The following PHTF2 variants were observed in gnomAD, a reference collection of about 807,000 sequenced individuals.
PHTF2 encodes protein PHTF2.
In PHTF2, 60 loss-of-function variants were observed where a neutral mutation model predicts 101.2. That is an observed-to-expected ratio of 0.59 (90% CI 0.48 to 0.73). PHTF2 has a LOEUF of 0.73. PHTF2 is among the 30% of genes least tolerant of loss of function. The pLI is 0.00. For missense variants in PHTF2, 747 were observed against 908.7 expected (o/e 0.82, Z 2.29); for synonymous variants, 311 against 307.3 (o/e 1.01, Z -0.13).
intron 12 of PHTF2, among the ~76,000 whole-genome samples, chr7:77,936,365 A>C (rs1342539296): frequency 6.6e-6 from 1 of 152,182 alleles, no homozygotes; most frequent in East Asian, 1.9e-4. Context: ...ACGAATGCCA[A>C]AACTATTGTT....
chr7:77,887,694 G>A (rs1799991345), intron 3 of PHTF2, among the ~76,000 whole-genome samples: 1 of 152,184 alleles, frequency 6.6e-6, no homozygotes, highest in Non-Finnish European at 1.5e-5. Context: ...TGCCAGACAT[G>A]TTACCAAAGA....
intron 16 of PHTF2, among the ~76,000 whole-genome samples, chr7:77,948,084 C>A (rs973184710): frequency 1.3e-5 from 2 of 152,028 alleles, no homozygotes; most frequent in African/African-American, 2.4e-5. Flanking sequence ...AGGTAGTGCA[C>A]CTGCCTTGGC....
At chr7:77,802,895 C>T (rs1792669348) in intron 1 of PHTF2, among the ~76,000 whole-genome samples, 1 of 152,306 alleles carries the variant, frequency 6.6e-6, no homozygotes, top group African/African-American at 2.4e-5. Flanking sequence ...ATCTTCTTCT[C>T]AGATTAATAC....
intron 1 of PHTF2, among the ~76,000 whole-genome samples, chr7:77,826,720 C>T (rs1443534352): frequency 6.6e-6 from 1 of 152,114 alleles, no homozygotes; most frequent in Non-Finnish European, 1.5e-5. Flanking sequence ...CAACAGGGTG[C>T]CAGCACAATT....
intron 3 of PHTF2, among the ~76,000 whole-genome samples, chr7:77,874,455 A>G (rs987842567): frequency 4.6e-5 from 7 of 152,258 alleles, no homozygotes; most frequent in Admixed American, 1.3e-4. Flanking sequence ...AGGTCTCACA[A>G]TAGACCGTCT....
chr7:77,927,540 G>T (rs1055532696), intron 11 of PHTF2, among the ~76,000 whole-genome samples: 6 of 152,092 alleles, frequency 3.9e-5, no homozygotes, highest in Non-Finnish European at 1.5e-5. Flanking sequence ...AAGTTGTGGT[G>T]AGTGAAGATC....
At chr7:77,911,788 A>G (rs1316725296) in intron 9 of PHTF2, among the ~76,000 whole-genome samples, 1 of 152,128 alleles carries the variant, frequency 6.6e-6, no homozygotes, top group Non-Finnish European at 1.5e-5. Flanking sequence ...TCCAGGGACA[A>G]TATGTTTTGT....
intron 1 of PHTF2, among the ~76,000 whole-genome samples, chr7:77,821,110 ATAT>A (rs1316576274): frequency 7.1e-6 from 1 of 141,840 alleles, no homozygotes; most frequent in Non-Finnish European, 1.5e-5. Context: ...GCTGGATATA[ATAT>A]TCTTGGATGG....
At chr7:77,798,918 A>G (rs1009344734) in exon 1 of PHTF2, 17 of 152,582 alleles carry the variant, frequency 1.1e-4, no homozygotes, top group African/African-American at 4.1e-4. Flanking sequence ...CTAGCTTCGG[A>G]GTCTCCCGCG....
intron 3 of PHTF2, among the ~76,000 whole-genome samples, chr7:77,870,681 C>G (rs1798443564): frequency 6.6e-6 from 1 of 152,170 alleles, no homozygotes. Flanking sequence ...TCAGTCCAGT[C>G]AAGTTTGCAC....
chr7:77,864,085 G>A (rs1797867455), intron 3 of PHTF2, among the ~76,000 whole-genome samples: 1 of 152,110 alleles, frequency 6.6e-6, no homozygotes, highest in South Asian at 2.1e-4. Flanking sequence ...CAGCCCCACG[G>A]AGTTCTTATC....
chr7:77,919,856 T>C (rs900684848), intron 9 of PHTF2, among the ~76,000 whole-genome samples: 1 of 152,322 alleles, frequency 6.6e-6, no homozygotes, highest in South Asian at 2.1e-4. Context: ...TAAAATGAGT[T>C]GTATACTAAA....
chr7:77,854,953 C>G, intron 3 of PHTF2: 1 of 608,814 alleles, frequency 1.6e-6, no homozygotes, highest in Admixed American at 2.6e-5. Flanking sequence ...CAGGAGCCTG[C>G]CTGGTGTTCT....
intron 1 of PHTF2, among the ~76,000 whole-genome samples, chr7:77,820,497 G>C (rs546953361): frequency 6.6e-6 from 1 of 152,128 alleles, no homozygotes; most frequent in South Asian, 2.1e-4. Flanking sequence ...GACTATAGGT[G>C]TGCACCACCA....
intron 11 of PHTF2, 21 bp from the exon 11 acceptor site, chr7:77,929,088 C>G (rs373794614): frequency 6.4e-7 from 1 of 1,563,962 alleles, no homozygotes; most frequent in Non-Finnish European, 8.8e-7. Context: ...GTATTAATGT[C>G]AAAGAATATC....
intron 9 of PHTF2, among the ~76,000 whole-genome samples, chr7:77,919,147 A>G (rs1190341826): frequency 1.3e-5 from 2 of 152,176 alleles, no homozygotes; most frequent in African/African-American, 4.8e-5. Flanking sequence ...GCATGACCTT[A>G]AATAAGTCAC....
chr7:77,814,406 A>G (rs536918354), intron 1 of PHTF2, among the ~76,000 whole-genome samples: 2 of 152,282 alleles, frequency 1.3e-5, no homozygotes, highest in African/African-American at 2.4e-5. Flanking sequence ...ACTATAATTC[A>G]TGTCTGAATG....
At chr7:77,941,383 CAT>C (rs1805625213) in intron 15 of PHTF2, among the ~76,000 whole-genome samples, 1 of 152,086 alleles carries the variant, frequency 6.6e-6, no homozygotes, top group Admixed American at 6.6e-5. Context: ...TTTCCTATGA[CAT>C]ATCTGTTGTA....
chr7:77,953,214 A>G (rs1355502250), intron 18 of PHTF2, among the ~76,000 whole-genome samples: 2 of 152,150 alleles, frequency 1.3e-5, no homozygotes, highest in African/African-American at 4.8e-5. Context: ...TGGGACTTTC[A>G]TATTTTAATT....
Sources: gnomAD v4.1 joint callset for allele counts (sites outside exome capture counted in the v4.1 genomes callset) on GRCh38, gnomAD v4.1.1 for gene constraint, MANE v1.5 for transcripts, NCBI Gene and HGNC (gene_info 2026-07-23, HGNC 2026-07-21) for gene names.